The following KCNH8 variants were observed in gnomAD, a reference collection of about 807,000 sequenced individuals.
KCNH8 encodes potassium voltage-gated channel subfamily H member 8.
A neutral mutation model predicts 103.6 loss-of-function variants in KCNH8; 70 were observed. The observed-to-expected ratio is 0.68, with a 90% CI of 0.56 to 0.82. The LOEUF (loss-of-function observed/expected upper bound fraction) is 0.82. Among genes scored for constraint, KCNH8 ranks in the 40% least tolerant of loss-of-function variants. KCNH8 has a pLI of 0.00. For synonymous variants in KCNH8, 498 were observed against 489.4 expected (o/e 1.02, Z -0.23); for missense variants, 1,217 against 1,329.9 (o/e 0.92, Z 1.32).
intron 7 of KCNH8, among the ~76,000 whole-genome samples, chr3:19,396,104 A>AT (rs576554411): frequency 8.6e-5 from 13 of 151,604 alleles, no homozygotes; most frequent in East Asian, 1.9e-4. Flanking sequence ...CTTATGTAGA[A>AT]TTTTTTTTTA....
chr3:19,491,150 T>C (rs1413847430), intron 11 of KCNH8, among the ~76,000 whole-genome samples: 1 of 152,140 alleles, frequency 6.6e-6, no homozygotes, highest in Non-Finnish European at 1.5e-5. Flanking sequence ...TATATACATA[T>C]ATATATGTGT....
intron 1 of KCNH8, among the ~76,000 whole-genome samples, chr3:19,167,754 A>G (rs2063299902): frequency 1.3e-5 from 2 of 152,238 alleles, no homozygotes; most frequent in Admixed American, 1.3e-4. Context: ...CCCTGCGTCC[A>G]GTGTCTTCCA....
intron 11 of KCNH8, among the ~76,000 whole-genome samples, chr3:19,497,721 T>C (rs558156523): frequency 3.7e-4 from 57 of 152,328 alleles, no homozygotes; most frequent in African/African-American, 1.3e-3. Context: ...TTCTGTTGTT[T>C]TGGGTGGAGA....
intron 5 of KCNH8, among the ~76,000 whole-genome samples, chr3:19,358,434 A>C (rs2065908967): frequency 6.6e-6 from 1 of 151,926 alleles, no homozygotes; most frequent in Admixed American, 6.6e-5. Context: ...ATTCTCACTG[A>C]AAGAACTACT....
At chr3:19,488,960 T>A (rs1449319419) in intron 11 of KCNH8, among the ~76,000 whole-genome samples, 1 of 152,162 alleles carries the variant, frequency 6.6e-6, no homozygotes, top group Non-Finnish European at 1.5e-5. Flanking sequence ...AGGTGGAGTA[T>A]TATTTTTCCA....
chr3:19,515,526 A>G lies in KCNH8; in HGVS notation c.2542+98A>G, dbSNP rs867257089. On this transcript the variant is annotated intron_variant, in intron 14 of 15. Transcript: ENST00000328405. Reference sequence around the variant, plus strand: ...TTTTTTTTTTTGCTTTCCTGTCCTTAGAATATTCTCCCTGTCATAGAACCT... The same window carrying G: ...TTTTTTTTTTTGCTTTCCTGTCCTTGGAATATTCTCCCTGTCATAGAACCT... 4.0e-5 allele frequency: 20 copies of G among 503,612 alleles called. No homozygotes were observed. The South Asian group carries it at 6.0e-4, about 15-fold the overall frequency. 31.2% of individuals were successfully genotyped at this position (503,612 alleles called of 1,614,324 possible).
intron 1 of KCNH8, among the ~76,000 whole-genome samples, chr3:19,184,676 T>C (rs2063486150): frequency 6.6e-6 from 1 of 151,890 alleles, no homozygotes; most frequent in Non-Finnish European, 1.5e-5. Flanking sequence ...AAGGTAAAGG[T>C]AGTATTTGGT....
At chr3:19,475,331 C>T (rs1381432533) in intron 11 of KCNH8, among the ~76,000 whole-genome samples, 1 of 152,100 alleles carries the variant, frequency 6.6e-6, no homozygotes, top group Non-Finnish European at 1.5e-5. Flanking sequence ...AGAAGTTATG[C>T]CCATTCTAAG....
At chr3:19,482,117 G>A (rs1283241765) in intron 11 of KCNH8, among the ~76,000 whole-genome samples, 1 of 152,108 alleles carries the variant, frequency 6.6e-6, no homozygotes, top group Non-Finnish European at 1.5e-5. Flanking sequence ...CAGGCAGTAC[G>A]TGACTGGGGG....
At chr3:19,183,118 T>A (rs754855618) in intron 1 of KCNH8, among the ~76,000 whole-genome samples, 1 of 152,226 alleles carries the variant, frequency 6.6e-6, no homozygotes, top group Non-Finnish European at 1.5e-5. Flanking sequence ...CCATTAAAAT[T>A]TGGGACCAGT....
chr3:19,497,065 G>GT (rs1376553032), intron 11 of KCNH8, among the ~76,000 whole-genome samples: 1 of 151,992 alleles, frequency 6.6e-6, no homozygotes, highest in Non-Finnish European at 1.5e-5. Flanking sequence ...GTCTCTGAGG[G>GT]TTTTTTATAT....
chr3:19,155,962 G>A (rs1014966368), intron 1 of KCNH8, among the ~76,000 whole-genome samples: 6 of 152,116 alleles, frequency 3.9e-5, no homozygotes, highest in Admixed American at 3.3e-4. Flanking sequence ...ATTTCTTTGA[G>A]TAAAAGAATT....
At chr3:19,390,392 CCTTTCTT>C in intron 5 of KCNH8, 82 bp from the exon 6 acceptor site, 1 of 985,254 alleles carries the variant, frequency 1.0e-6, no homozygotes, top group Non-Finnish European at 1.5e-6. Context: ...TGTCTCCCTT[CCTTTCTT>C]CTTTCTTTCA....
chr3:19,300,414 A>G (rs1023075948), intron 3 of KCNH8, among the ~76,000 whole-genome samples: 2 of 152,238 alleles, frequency 1.3e-5, no homozygotes, highest in African/African-American at 2.4e-5. Context: ...ACAGAGAAAC[A>G]TAGTTAACTT....
intron 3 of KCNH8, among the ~76,000 whole-genome samples, chr3:19,332,607 T>A (rs960702898): frequency 3.3e-5 from 5 of 152,088 alleles, no homozygotes; most frequent in African/African-American, 1.2e-4. Context: ...TCCCAACCTA[T>A]TTTTTAGATT....
intron 2 of KCNH8, among the ~76,000 whole-genome samples, chr3:19,271,474 G>T (rs191357235): frequency 2.1e-3 from 315 of 152,198 alleles, no homozygotes; most frequent in African/African-American, 6.9e-3. Flanking sequence ...ACACAAAGGA[G>T]AAATTATTGG....
chr3:19,173,173 T>TAA (rs10700786), intron 1 of KCNH8, among the ~76,000 whole-genome samples: 2,270 of 149,382 alleles, frequency 0.015, 70 homozygotes, highest in African/African-American at 0.052. Flanking sequence ...GCATCTCATT[T>TAA]AAAAAAAAAA....
chr3:19,274,589 T>G (rs1036450447), intron 2 of KCNH8, among the ~76,000 whole-genome samples: 1 of 152,158 alleles, frequency 6.6e-6, no homozygotes, highest in Non-Finnish European at 1.5e-5. Context: ...GTTAATTTGT[T>G]GAGCAAGGAT....
intron 5 of KCNH8, among the ~76,000 whole-genome samples, chr3:19,380,679 C>G (rs2066276700): frequency 6.6e-6 from 1 of 152,230 alleles, no homozygotes; most frequent in African/African-American, 2.4e-5. Context: ...CCCAACTTGC[C>G]TTTTGGTTTC....
Sources: allele counts gnomAD v4.1 joint callset (sites outside exome capture counted in the v4.1 genomes callset), GRCh38; gene constraint gnomAD v4.1.1; transcripts MANE v1.5; gene names NCBI Gene and HGNC (gene_info 2026-07-23, HGNC 2026-07-21).